Variants in SMG6 observed in about 807,000 individuals in gnomAD.
SMG6 encodes the protein SMG6 nonsense mediated mRNA decay factor.
In SMG6, 66 loss-of-function variants were observed where a neutral mutation model predicts 142.2. The observed-to-expected ratio is 0.46, with a 90% CI of 0.38 to 0.57. The LOEUF (loss-of-function observed/expected upper bound fraction) is 0.57, where lower values mean the gene tolerates loss of function less well. SMG6 is among the 20% of genes least tolerant of loss of function. The probability of loss-of-function intolerance (pLI) is 0.00; values close to 1 mark genes in which losing one functional copy is unlikely to be tolerated. For missense variants in SMG6, 1,793 were observed against 1,832.0 expected (o/e 0.98, Z 0.39); for synonymous variants, 779 against 702.4 (o/e 1.11, Z -1.72).
At chr17:2,202,352 C>T (rs1418709220) in intron 10 of SMG6, among the ~76,000 whole-genome samples, 1 of 152,080 alleles carries the variant, frequency 6.6e-6, no homozygotes, top group Non-Finnish European at 1.5e-5. Flanking sequence ...AGTTTGAGAC[C>T]AGCCTGAGCA....
intron 13 of SMG6, among the ~76,000 whole-genome samples, chr17:2,108,025 C>T (rs570494589): frequency 7.4e-4 from 112 of 152,264 alleles, no homozygotes; most frequent in Non-Finnish European, 8.8e-4. Flanking sequence ...TGAACCTTGC[C>T]CAATTTCTGA....
intron 12 of SMG6, among the ~76,000 whole-genome samples, chr17:2,179,544 C>T (rs1023957718): frequency 1.6e-4 from 24 of 151,748 alleles, no homozygotes; most frequent in Admixed American, 2.6e-4. Flanking sequence ...CTATGGAAGA[C>T]GATCCATGGA....
At chr17:2,116,244 A>T (rs1567609947) in intron 13 of SMG6, among the ~76,000 whole-genome samples, 2 of 151,146 alleles carry the variant, frequency 1.3e-5, no homozygotes, top group Admixed American at 6.6e-5. Flanking sequence ...GCTATTTTTT[A>T]TTTTTTATTT....
intron 13 of SMG6, among the ~76,000 whole-genome samples, chr17:2,171,761 A>G (rs1398218700): frequency 5.0e-5 from 7 of 140,004 alleles, no homozygotes; most frequent in Non-Finnish European, 1.1e-4. Flanking sequence ...ACATCTCCCT[A>G]TGTCCCTAGT....
intron 13 of SMG6, among the ~76,000 whole-genome samples, chr17:2,095,729 T>C (rs16951895): frequency 0.02 from 2,981 of 152,322 alleles, 61 homozygotes; most frequent in South Asian, 0.067. Context: ...CCCAGGACAC[T>C]GCTCCTTCAT....
intron 13 of SMG6, among the ~76,000 whole-genome samples, chr17:2,108,208 A>G (rs2069206240): frequency 6.6e-6 from 1 of 152,220 alleles, no homozygotes; most frequent in South Asian, 2.1e-4. Flanking sequence ...GATGATCCAG[A>G]AGGAGACATG....
In SMG6 at chr17:2,299,337, G is replaced by A. The variant is rs112265768; in HGVS notation, c.1416C>T (p.Pro472=). 42 of 1,614,054 alleles carry A rather than the reference G, an allele frequency of 2.6e-5. 1 individual carries two copies. The highest frequency in any genetic ancestry group is 2.5e-4 in the African/African-American group (19 of 74,972). ...DQKPALKTQT[P]QLHFLDTDDE... is the part of the protein sequence containing the mutation. The stretch of plus-strand genomic sequence containing the variant: ...CATCAGTGTCCAAGAAATGTAGCTG[G>A]GGCGTCTGAGTCTTTAGAGCAGGTT... Residue 472 remains proline (P), a synonymous_variant, in exon 2 of 19, where the codon CCC becomes CCT. Coordinates refer to ENST00000263073, the MANE Select transcript of SMG6 (RefSeq NM_017575.5). The surrounding 1 kb of genome is among the most constrained non-coding windows in gnomAD (Gnocchi z 4.3).
At position 2,071,691 on chromosome 17, in the gene SMG6, T is replaced by G. The variant is rs1408942596; in HGVS notation, c.3682-2760A>C. Among the ~76,000 whole-genome samples, 1 of 151,976 alleles carries G rather than the reference T, an allele frequency of 6.6e-6. No individual in the cohort carries two copies. Among genetic ancestry groups the G allele is most frequent in the Non-Finnish European group, 1.5e-5 (1 of 67,996 alleles). On this transcript the variant is annotated intron_variant, in intron 15 of 18. Transcript: ENST00000263073. The surrounding 1 kb of genome is among the most constrained non-coding windows in gnomAD (Gnocchi z 5.6). ...CATGCCCTCATGGAGTCTCAGGAGA[T>G]GAGATGAAGCTGCTCCCTTTTCTCC...
intron 13 of SMG6, among the ~76,000 whole-genome samples, chr17:2,105,783 C>T (rs1294835016): frequency 6.6e-6 from 1 of 152,168 alleles, no homozygotes; most frequent in African/African-American, 2.4e-5. Flanking sequence ...ATAATATGGG[C>T]AAAACCTCAG....
At position 2,190,099 on chromosome 17, in the gene SMG6, T is replaced by C. The variant is rs967949270; in HGVS notation, c.2870-1584A>G. On this transcript the variant is annotated intron_variant, in intron 10 of 18. Coordinates refer to ENST00000263073, the MANE Select transcript of SMG6 (RefSeq NM_017575.5). Reference sequence around the variant, plus strand: ...AGCAGGAAAGGGGGAGATATGTAAGTTGTCAAGAAAAGTTACCAACTTCTC... The same window carrying C: ...AGCAGGAAAGGGGGAGATATGTAAGCTGTCAAGAAAAGTTACCAACTTCTC... Among the ~76,000 whole-genome samples the C allele has an allele frequency of 5.3e-5, 8 of 152,102 alleles. 1 individual carries two copies. In the South Asian group the frequency reaches 1.7e-3, roughly 32 times the overall value.
intron 13 of SMG6, among the ~76,000 whole-genome samples, chr17:2,141,353 T>C (rs2070474116): frequency 6.6e-6 from 1 of 152,324 alleles, no homozygotes; most frequent in East Asian, 1.9e-4. Context: ...GTGTCAGATA[T>C]AGAAAAAACA....
intron 10 of SMG6, 120 bp downstream of exon 10, chr17:2,236,370 GGT>G (rs1420547263): frequency 1.0e-5 from 9 of 870,982 alleles, no homozygotes; most frequent in Middle Eastern, 3.3e-4. Context: ...CGTAGGGTAG[GGT>G]GTGTGTGTTC....
At chr17:2,251,236 T>C (rs146136480) in intron 8 of SMG6, among the ~76,000 whole-genome samples, 165 of 151,882 alleles carry the variant, frequency 1.1e-3, no homozygotes, top group African/African-American at 3.8e-3. Context: ...TTATTAGTAC[T>C]TTCAGCATTC....
chr17:2,188,426 T>C lies in SMG6; in HGVS notation c.2959A>G (p.Thr987Ala), dbSNP rs760699261. 2 of 1,613,704 alleles carry C rather than the reference T, an allele frequency of 1.2e-6. No homozygotes were observed. The highest frequency in any genetic ancestry group is 8.5e-7 in the Non-Finnish European group (1 of 1,179,946). Residue 987 changes from threonine to alanine, a missense_variant, in exon 11 of 19, where the codon ACC (threonine) becomes GCC (alanine). Transcript: ENST00000263073. ...TTGGCGGACTCCTTAAGTAAGCAGG[T>C]GCAGCGGCGGACCAGTAGAGAAAAC... is the stretch of plus-strand genomic sequence containing the variant. Reference protein sequence around the residue: ...AMFSLLVRRCTCLLKESAKAQ... With the variant: ...AMFSLLVRRCACLLKESAKAQ...
intron 8 of SMG6, chr17:2,266,080 T>C: frequency 1.0e-6 from 1 of 985,356 alleles, no homozygotes; most frequent in African/African-American, 1.7e-5. Context: ...CTCTTCAGGA[T>C]CTAGTACTTT....
intron 13 of SMG6, among the ~76,000 whole-genome samples, chr17:2,155,219 G>A (rs2070964625): frequency 1.3e-5 from 2 of 151,974 alleles, no homozygotes; most frequent in African/African-American, 4.8e-5. Flanking sequence ...GCGCCACCAT[G>A]CCCGGCTACT....
At chr17:2,272,399 A>G (rs1447218857) in intron 8 of SMG6, among the ~76,000 whole-genome samples, 1 of 152,102 alleles carries the variant, frequency 6.6e-6, no homozygotes, top group Admixed American at 6.5e-5. Context: ...ACAGTACCCA[A>G]TACATACCTC....
chr17:2,190,301 T>TA (rs888970628), intron 10 of SMG6, among the ~76,000 whole-genome samples: 35 of 152,246 alleles, frequency 2.3e-4, no homozygotes, highest in African/African-American at 8.4e-4. Context: ...TGGTAGCTGA[T>TA]ACTCTGAGTA....
chr17:2,204,973 T>C (rs955883803), intron 10 of SMG6, among the ~76,000 whole-genome samples: 2 of 151,572 alleles, frequency 1.3e-5, no homozygotes, highest in Non-Finnish European at 2.9e-5. Context: ...AATAGTAACA[T>C]AGCCCTTCCA....
Sources: gnomAD v4.1 joint callset for allele counts (sites outside exome capture counted in the v4.1 genomes callset) on GRCh38, gnomAD v4.1.1 for gene constraint, Gnocchi (gnomAD v3.1) non-coding constraint, MANE v1.5 for transcripts, NCBI Gene and HGNC (gene_info 2026-07-23, HGNC 2026-07-21) for gene names.